CYP2C19: variants seen among roughly 807,000 people sequenced by gnomAD.
The protein encoded by CYP2C19 is cytochrome P450 2C19.
A neutral mutation model predicts 40.9 loss-of-function variants in CYP2C19; 59 were observed. That is an observed-to-expected ratio of 1.44 (90% CI 1.17 to 1.79). The LOEUF (loss-of-function observed/expected upper bound fraction) is 1.79. Ranked by LOEUF, CYP2C19 falls within the 40% of genes most tolerant of loss-of-function variation. The probability of loss-of-function intolerance (pLI) is 0.00; values close to 1 mark genes in which losing one functional copy is unlikely to be tolerated. For synonymous variants in CYP2C19, 253 were observed against 208.7 expected (o/e 1.21, Z -1.83); for missense variants, 754 against 596.9 (o/e 1.26, Z -2.74).
intron 5 of CYP2C19, among the ~76,000 whole-genome samples, chr10:94,788,811 T>G (rs1376274488): frequency 1.3e-5 from 2 of 152,160 alleles, no homozygotes; most frequent in East Asian, 1.9e-4. Flanking sequence ...TAAATATACA[T>G]GTGCATGTGT....
chr10:94,804,229 C>T (rs116418634), intron 5 of CYP2C19, among the ~76,000 whole-genome samples: 3 of 152,144 alleles, frequency 2.0e-5, no homozygotes, highest in African/African-American at 7.2e-5. Flanking sequence ...CCAAGCTAGT[C>T]CTGGCTGTAA....
intron 5 of CYP2C19, among the ~76,000 whole-genome samples, chr10:94,792,385 A>T (rs1388660426): frequency 1.3e-5 from 2 of 152,090 alleles, no homozygotes; most frequent in Non-Finnish European, 2.9e-5. Context: ...TGTGAATTTG[A>T]TCCTGTCATT....
At chr10:94,836,467 C>T (rs571985180) in intron 6 of CYP2C19, among the ~76,000 whole-genome samples, 3 of 152,294 alleles carry the variant, frequency 2.0e-5, no homozygotes, top group South Asian at 2.1e-4. Context: ...GGGTTAGAGA[C>T]TTCTTTAGGG....
chr10:94,813,321 C>T (rs1848954056), intron 5 of CYP2C19, among the ~76,000 whole-genome samples: 1 of 151,944 alleles, frequency 6.6e-6, no homozygotes, highest in Non-Finnish European at 1.5e-5. Context: ...GCTGGGAGGT[C>T]TGCTGTTCTC....
At chr10:94,796,679 G>T (rs111897995) in intron 5 of CYP2C19, among the ~76,000 whole-genome samples, 1,856 of 152,170 alleles carry the variant, frequency 0.012, 55 homozygotes, top group African/African-American at 0.043. Context: ...ATTGAGCAGT[G>T]GTTTGTAGTT....
rs1361457533 is a variant in CYP2C19, at chr10:94,852,781, T to C, written c.1340T>C (p.Leu447Ser). The C allele has an allele frequency of 6.2e-7, 1 of 1,613,972 alleles. No homozygotes were observed. The highest frequency in any genetic ancestry group is 8.5e-7 in the Non-Finnish European group (1 of 1,179,986). The change falls in exon 9 of 9, where the codon TTA (leucine) becomes TCA (serine). Residue 447 changes from leucine to serine, a missense_variant. Physicochemically the swap from Leu to Ser is moderately radical, Grantham distance 145. Transcript: ENST00000371321. Reference protein sequence around the residue: ...GEGLARMELFLFLTFILQNFN... With the variant: ...GEGLARMELFSFLTFILQNFN... ...GGCCTGGCCCGCATGGAGCTGTTTTTATTCCTGACCTTCATTTTACAGAAC... is the reference window on the plus strand; with the variant it reads ...GGCCTGGCCCGCATGGAGCTGTTTTCATTCCTGACCTTCATTTTACAGAAC...
At chr10:94,839,653 T>A (rs1192827488) in intron 6 of CYP2C19, among the ~76,000 whole-genome samples, 3 of 152,382 alleles carry the variant, frequency 2.0e-5, no homozygotes, top group African/African-American at 4.8e-5. Flanking sequence ...GTACTTTAAG[T>A]CTTGGCTGAG....
intron 5 of CYP2C19, among the ~76,000 whole-genome samples, chr10:94,802,504 T>C (rs192575330): frequency 2.0e-5 from 3 of 152,260 alleles, no homozygotes; most frequent in Admixed American, 1.3e-4. Flanking sequence ...GTCTCCTGAA[T>C]ACAGCACACC....
intron 6 of CYP2C19, among the ~76,000 whole-genome samples, chr10:94,838,347 T>C (rs769323054): frequency 2.0e-5 from 3 of 152,232 alleles, no homozygotes; most frequent in Non-Finnish European, 2.9e-5. Context: ...GCTGCAGATA[T>C]GGTGGCAATT....
At chr10:94,811,391 T>C (rs1389122536) in intron 5 of CYP2C19, among the ~76,000 whole-genome samples, 2 of 152,186 alleles carry the variant, frequency 1.3e-5, no homozygotes, top group Admixed American at 6.5e-5. Context: ...TAGATATCTA[T>C]TATGCCCGCT....
intron 1 of CYP2C19, chr10:94,774,810 A>C: frequency 2.0e-6 from 1 of 497,514 alleles, no homozygotes; most frequent in South Asian, 2.6e-5. Context: ...AGACCTGCTG[A>C]ATATGTTGGT....
rs141671174 is a variant in CYP2C19, at chr10:94,800,589, AGTT to A, written c.819+18595_819+18597del. Among the ~76,000 whole-genome samples, 253 of 152,306 alleles carry A rather than the reference AGTT, an allele frequency of 1.7e-3. 1 individual carries two copies. Among genetic ancestry groups the A allele is most frequent in the African/African-American group, 5.8e-3 (240 of 41,576 alleles). ...AGATAGGGATGTTTAAGTCTGCAGA[AGTT>A]GTCTGCTGCCTTTTTTTCAGCTATG... is the stretch of plus-strand genomic sequence containing the variant. On this transcript the variant is annotated intron_variant, in intron 5 of 8. Transcript: ENST00000371321.
chr10:94,842,973 G>T lies in CYP2C19; in HGVS notation c.1098G>T (p.Leu366=), dbSNP rs906768305. The part of the protein sequence containing the change: ...QRYIDLIPTS[L]PHAVTCDVKF... ...ACATCGACCTCATCCCCACCAGCCT[G>T]CCCCATGCAGTGACCTGTGACGTTA... Residue 366 remains leucine, a synonymous_variant, in exon 7 of 9, where the codon CTG becomes CTT. Transcript: ENST00000371321. The T allele has an allele frequency of 2.8e-5, 46 of 1,614,084 alleles. No homozygotes were observed. Among genetic ancestry groups the T allele is most frequent in the Non-Finnish European group, 3.8e-5 (45 of 1,180,048 alleles).
At chr10:94,787,370 G>A (rs1005362496) in intron 5 of CYP2C19, among the ~76,000 whole-genome samples, 2 of 151,968 alleles carry the variant, frequency 1.3e-5, no homozygotes, top group Non-Finnish European at 2.9e-5. Flanking sequence ...AATTGTCTAA[G>A]TACCTTATAG....
intron 1 of CYP2C19, among the ~76,000 whole-genome samples, chr10:94,767,636 A>T (rs1321903124): frequency 6.6e-6 from 1 of 151,760 alleles, no homozygotes; most frequent in Non-Finnish European, 1.5e-5. Context: ...AGAGGCTTTG[A>T]CTACCTGTCG....
At position 94,775,110 on chromosome 10, in the gene CYP2C19, TG is replaced by T. The variant is rs776518980; in HGVS notation, c.223del (p.Val75TrpfsTer9). ...VFTLYFGLER[M>X]VVLHGYEVVK... ...ACTCTGTATTTTGGCCTGGAACGCA[TG>T]GTGGTGCTGCATGGATATGAAGTGG... On this transcript the variant is annotated frameshift_variant, in exon 2 of 9. Transcript: ENST00000371321. LOFTEE classifies it high-confidence loss of function. The T allele has an allele frequency of 1.2e-6, 2 of 1,614,102 alleles. No individual in the cohort carries two copies. The highest frequency in any genetic ancestry group is 1.7e-6 in the Non-Finnish European group (2 of 1,180,022).
At chr10:94,775,988 G>A (rs1162021406) in intron 3 of CYP2C19, 2 of 193,986 alleles carry the variant, frequency 1.0e-5, no homozygotes, top group Non-Finnish European at 2.1e-5. Flanking sequence ...ATTGGACTAT[G>A]TTTGTATGGT....
Position 94,768,476 on chromosome 10 carries a change from G to A in CYP2C19, c.168+5603G>A, listed in dbSNP as rs754931688. Among the ~76,000 whole-genome samples, 46 of 152,266 alleles carry A rather than the reference G, an allele frequency of 3.0e-4. 1 individual carries two copies. The South Asian group carries it at 3.7e-3, about 12-fold the overall frequency. On this transcript the variant is annotated intron_variant, in intron 1 of 8. Transcript: ENST00000371321. ...GTTCCCCATCCTCTGGGAGAAAAGT[G>A]GCAGGGTTGGGGGCTATGCCTGTAT...
At chr10:94,786,250 T>A (rs1848539938) in intron 5 of CYP2C19, among the ~76,000 whole-genome samples, 1 of 152,260 alleles carries the variant, frequency 6.6e-6, no homozygotes, top group East Asian at 1.9e-4. Context: ...AATTGGACAA[T>A]CAACTTTCCC....
Sources: gnomAD v4.1 joint callset for allele counts (sites outside exome capture counted in the v4.1 genomes callset) on GRCh38, gnomAD v4.1.1 for gene constraint, MANE v1.5 for transcripts, NCBI Gene and HGNC (gene_info 2026-07-23, HGNC 2026-07-21) for gene names.